Variants in PPEF1 observed in about 807,000 individuals in gnomAD.
PPEF1 encodes the protein serine/threonine-protein phosphatase with EF-hands 1.
Under a neutral mutation model 53.3 loss-of-function variants are expected in PPEF1, and 12 were observed. The ratio of observed to expected loss-of-function variants is 0.23; its 90% confidence interval spans 0.14 to 0.36. PPEF1 has a LOEUF of 0.36. Among genes scored for constraint, PPEF1 ranks in the 10% least tolerant of loss-of-function variants. The pLI is 1.00. For synonymous variants in PPEF1, 165 were observed against 176.7 expected (o/e 0.93, Z 0.52); for missense variants, 334 against 490.4 (o/e 0.68, Z 3.01).
At chrX:18,731,272 T>G (rs1056794286) in intron 2 of PPEF1, among the ~76,000 whole-genome samples, 1 of 112,204 alleles carries the variant, frequency 8.9e-6, no homozygotes, top group African/African-American at 3.2e-5. Flanking sequence ...TTGGTGGGTG[T>G]GGGTTGGGAT....
chrX:18,809,461 T>G (rs2046759296), intron 12 of PPEF1, among the ~76,000 whole-genome samples: 1 of 110,578 alleles, frequency 9.0e-6, no homozygotes, highest in Non-Finnish European at 1.9e-5. Flanking sequence ...GTCCCAGCAC[T>G]TTGGGAGGCC....
At chrX:18,763,599 C>T (rs2045710415) in intron 6 of PPEF1, among the ~76,000 whole-genome samples, 1 of 111,204 alleles carries the variant, frequency 9.0e-6, no homozygotes, top group Admixed American at 9.6e-5. Flanking sequence ...GCCATACAAC[C>T]TCCATGAACT....
intron 4 of PPEF1, among the ~76,000 whole-genome samples, chrX:18,754,041 C>CAAAAAAACA: frequency 1.1e-5 from 1 of 91,283 alleles, no homozygotes; most frequent in African/African-American, 3.8e-5. Flanking sequence ...CCTTGAACAC[C>CAAAAAAACA]AGGAGCGATT....
At chrX:18,816,578 T>C (rs2046921196) in intron 12 of PPEF1, among the ~76,000 whole-genome samples, 1 of 111,759 alleles carries the variant, frequency 8.9e-6, no homozygotes, top group Non-Finnish European at 1.9e-5. Flanking sequence ...AAGACTTCTC[T>C]TTCCATGTTG....
chrX:18,773,718 G>A (rs1228073302), intron 6 of PPEF1, among the ~76,000 whole-genome samples: 1 of 111,598 alleles, frequency 9.0e-6, no homozygotes, highest in Admixed American at 9.6e-5. Context: ...GGTAAATAAT[G>A]TATATGTGTG....
At chrX:18,794,111 G>A (rs2046378553) in intron 10 of PPEF1, among the ~76,000 whole-genome samples, 2 of 112,931 alleles carry the variant, frequency 1.8e-5, no homozygotes. Flanking sequence ...GGCCCACAGA[G>A]TGCTCTACAG....
chrX:18,704,054 G>T (rs1353370185), upstream of PPEF1, among the ~76,000 whole-genome samples: 1 of 108,286 alleles, frequency 9.2e-6, no homozygotes, highest in African/African-American at 3.4e-5. Flanking sequence ...CTCCTGAGGA[G>T]CTGGGACTAC....
chrX:18,789,213 T>C lies in PPEF1; in HGVS notation c.1005T>C (p.His335=). The C allele has an allele frequency of 8.3e-7, 1 of 1,210,883 alleles. No homozygotes were observed. The highest frequency in any genetic ancestry group is 1.1e-6 in the Non-Finnish European group (1 of 894,430). Residue 335 remains histidine (H), a synonymous_variant, in exon 10 of 16, where the codon CAT becomes CAC. Coordinates refer to ENST00000470157, the MANE Select transcript of PPEF1 (RefSeq NM_001377996.1). ...AAGTAGGTGTGACTTTTAATGCACA[T>C]GGAAGAATCAAAACAAATGGATCTC... ...HNKVGVTFNA[H]GRIKTNGSPT...
At chrX:18,790,278 T>A (rs1168661543) in intron 10 of PPEF1, among the ~76,000 whole-genome samples, 1 of 112,125 alleles carries the variant, frequency 8.9e-6, no homozygotes, top group Non-Finnish European at 1.9e-5. Flanking sequence ...CCTTTGCCCA[T>A]CTTAAAAACT....
At chrX:18,685,554 G>A (rs950695140) in intron 2 of PPEF1, among the ~76,000 whole-genome samples, 3 of 109,880 alleles carry the variant, frequency 2.7e-5, no homozygotes, top group Non-Finnish European at 5.7e-5. Flanking sequence ...CCGCGGTGGC[G>A]GGTGCCTGTA....
In PPEF1 at chrX:18,788,922, A is replaced by G. The variant is rs758924117; in HGVS notation, c.913-199A>G. On this transcript the variant is annotated intron_variant, in intron 9 of 15. Transcript: ENST00000470157. ...GGCAATGTCTGTAATTGGAAAATGT[A>G]CCAACAATGTAACAGACCCACTTTA... Among the ~76,000 whole-genome samples the G allele has an allele frequency of 8.0e-5, 9 of 112,851 alleles. No individual in the cohort carries two copies. In the East Asian group the frequency reaches 2.5e-3, roughly 32 times the overall value.
Position 18,714,050 on chromosome X carries a change from T to G in PPEF1, c.46+6224T>G, listed in dbSNP as rs1446252603. ...ATTTCTATATTCAGGTGATTAGATATGAAATTATCGTGTCAAGGGCTATAA... is the reference window on the plus strand; with the variant it reads ...ATTTCTATATTCAGGTGATTAGATAGGAAATTATCGTGTCAAGGGCTATAA... On this transcript the variant is annotated intron_variant, in intron 1 of 15. Coordinates refer to ENST00000470157, the MANE Select transcript of PPEF1 (RefSeq NM_001377996.1). 9.0e-5 allele frequency among the ~76,000 whole-genome samples: 10 copies of G among 111,425 alleles called. No homozygotes were observed. The East Asian group carries it at 2.5e-3, about 28-fold the overall frequency.
At chrX:18,754,519 G>T (rs1393033960) in intron 4 of PPEF1, among the ~76,000 whole-genome samples, 1 of 111,478 alleles carries the variant, frequency 9.0e-6, no homozygotes, top group Non-Finnish European at 1.9e-5. Context: ...GATAGCTAAG[G>T]CTCCTAACCA....
At chrX:18,737,336 A>C (rs867045747) in intron 3 of PPEF1, among the ~76,000 whole-genome samples, 1 of 111,721 alleles carries the variant, frequency 9.0e-6, no homozygotes, top group African/African-American at 3.3e-5. Context: ...CTTTGTTCTC[A>C]TTGGTTTCAA....
intron 8 of PPEF1, among the ~76,000 whole-genome samples, 166 bp downstream of exon 8, chrX:18,782,568 A>G (rs1429787774): frequency 9.0e-6 from 1 of 111,202 alleles, no homozygotes; most frequent in Admixed American, 9.6e-5. Flanking sequence ...CCCTGGCCAC[A>G]GTAGAGTCTT....
At chrX:18,683,292 G>A (rs1928947660) in intron 1 of PPEF1, among the ~76,000 whole-genome samples, 1 of 111,337 alleles carries the variant, frequency 9.0e-6, no homozygotes, top group Non-Finnish European at 1.9e-5. Flanking sequence ...ACAGTAACCA[G>A]GCCAGGTACA....
At position 18,757,668 on chromosome X, in the gene PPEF1, C is replaced by T. The variant is rs766924513; in HGVS notation, c.438C>T (p.Thr146=). ...ATGTCTTAGAGGTGCTATTTGAAACCAAGAAAGTCCTGAAGCAAATGCCGA... is the reference window on the plus strand; with the variant it reads ...ATGTCTTAGAGGTGCTATTTGAAACTAAGAAAGTCCTGAAGCAAATGCCGA... The part of the protein sequence containing the change: ...AHYVLEVLFE[T]KKVLKQMPNF... Residue 146 remains threonine, a synonymous_variant, in exon 5 of 16, where the codon ACC becomes ACT. Transcript: ENST00000470157. 14 of 1,210,715 alleles carry T rather than the reference C, an allele frequency of 1.2e-5. No homozygotes were observed. The South Asian group carries it at 2.3e-4, about 20-fold the overall frequency.
intron 3 of PPEF1, among the ~76,000 whole-genome samples, chrX:18,737,259 C>T (rs868304739): frequency 1.5e-4 from 17 of 111,762 alleles, no homozygotes; most frequent in Non-Finnish European, 2.8e-4. Context: ...CTCTTGTGGG[C>T]ATTTAGTGCT....
chrX:18,676,780 C>T (rs1051898875), intron 1 of PPEF1, among the ~76,000 whole-genome samples: 4 of 112,081 alleles, frequency 3.6e-5, no homozygotes, highest in African/African-American at 1.3e-4. Context: ...CAGCCCCCCA[C>T]ATCCCGATTT....
Sources: gnomAD v4.1 joint callset for allele counts (sites outside exome capture counted in the v4.1 genomes callset) on GRCh38, gnomAD v4.1.1 for gene constraint, MANE v1.5 for transcripts, NCBI Gene and HGNC (gene_info 2026-07-23, HGNC 2026-07-21) for gene names.